Variants in MARCHF1 observed in about 807,000 individuals in gnomAD.
MARCHF1 encodes the protein E3 ubiquitin-protein ligase MARCHF1.
Under a neutral mutation model 54.2 loss-of-function variants are expected in MARCHF1, and 40 were observed. That is an observed-to-expected ratio of 0.74 (90% CI 0.57 to 0.96). MARCHF1 has a LOEUF of 0.96. Ranked by LOEUF, MARCHF1 falls within the 40% of genes least tolerant of loss-of-function variation. The pLI, the probability that MARCHF1 is intolerant of heterozygous loss-of-function variation, is 0.00. For missense variants in MARCHF1, 586 were observed against 656.5 expected (o/e 0.89, Z 1.17); for synonymous variants, 236 against 236.3 (o/e 1.00, Z 0.01).
At chr4:164,221,909 A>T (rs1361102378) in intron 1 of MARCHF1, among the ~76,000 whole-genome samples, 1 of 152,002 alleles carries the variant, frequency 6.6e-6, no homozygotes, top group Non-Finnish European at 1.5e-5. Context: ...TGGATCAGTT[A>T]TAGTCATTTC....
intron 1 of MARCHF1, among the ~76,000 whole-genome samples, chr4:164,240,722 GGACAAACT>G (rs1732716269): frequency 6.6e-6 from 1 of 151,966 alleles, no homozygotes; most frequent in Non-Finnish European, 1.5e-5. Flanking sequence ...CCTGGGCATG[GGACAAACT>G]GACTATGGGA....
At chr4:163,758,829 T>C (rs1746750804) in intron 4 of MARCHF1, among the ~76,000 whole-genome samples, 2 of 152,230 alleles carry the variant, frequency 1.3e-5, no homozygotes, top group African/African-American at 4.8e-5. Context: ...CTTGTTTTTT[T>C]CTTTGATATT....
intron 3 of MARCHF1, among the ~76,000 whole-genome samples, chr4:163,983,379 C>G (rs1017500347): frequency 7.2e-5 from 11 of 152,150 alleles, no homozygotes; most frequent in African/African-American, 2.4e-4. Flanking sequence ...ATCCTCCCTA[C>G]TAAATTACTT....
At chr4:163,852,585 G>C (rs1749670429) in intron 4 of MARCHF1, among the ~76,000 whole-genome samples, 1 of 152,056 alleles carries the variant, frequency 6.6e-6, no homozygotes, top group African/African-American at 2.4e-5. Flanking sequence ...AATTTCAAAA[G>C]GAAACCATTC....
chr4:163,692,754 C>T (rs1302578389), intron 5 of MARCHF1, among the ~76,000 whole-genome samples: 3 of 151,214 alleles, frequency 2.0e-5, no homozygotes, highest in Admixed American at 6.6e-5. Context: ...CACCATGTCA[C>T]CATTTAGCTT....
intron 1 of MARCHF1, among the ~76,000 whole-genome samples, chr4:164,171,545 T>A (rs1244462537): frequency 6.6e-6 from 1 of 152,110 alleles, no homozygotes; most frequent in Non-Finnish European, 1.5e-5. Context: ...TTAAAACTTT[T>A]AAAATCAAAG....
chr4:164,289,015 A>G (rs1734219135), intron 1 of MARCHF1, among the ~76,000 whole-genome samples: 1 of 152,002 alleles, frequency 6.6e-6, no homozygotes, highest in Non-Finnish European at 1.5e-5. Flanking sequence ...TGAATGCCTG[A>G]GCTTTGGAAC....
chr4:164,353,879 GA>G (rs769723480), intron 1 of MARCHF1, among the ~76,000 whole-genome samples: 1 of 136,286 alleles, frequency 7.3e-6, no homozygotes, highest in Non-Finnish European at 1.6e-5. Flanking sequence ...GACTAATAAA[GA>G]AAAAAAGAGA....
chr4:164,026,222 C>A (rs1210623282), intron 2 of MARCHF1, among the ~76,000 whole-genome samples: 1 of 152,072 alleles, frequency 6.6e-6, no homozygotes, highest in Non-Finnish European at 1.5e-5. Context: ...GGGCTACTCC[C>A]TAACTCACCC....
intron 4 of MARCHF1, among the ~76,000 whole-genome samples, chr4:163,732,738 A>C (rs1041013789): frequency 6.6e-6 from 1 of 152,194 alleles, no homozygotes; most frequent in South Asian, 2.1e-4. Flanking sequence ...AAGAAACAAA[A>C]GAATCTTTCA....
intron 4 of MARCHF1, among the ~76,000 whole-genome samples, chr4:163,843,069 A>G (rs1463481490): frequency 2.0e-5 from 3 of 151,920 alleles, no homozygotes; most frequent in African/African-American, 7.3e-5. Flanking sequence ...CTTTGTGTCC[A>G]CGTGTATTCA....
chr4:164,124,907 T>C (rs1040591683), intron 1 of MARCHF1, among the ~76,000 whole-genome samples: 2 of 152,054 alleles, frequency 1.3e-5, no homozygotes, highest in African/African-American at 4.8e-5. Flanking sequence ...ATAACATAAT[T>C]ATATATTTTA....
chr4:163,998,447 G>C (rs1350380455), intron 2 of MARCHF1, among the ~76,000 whole-genome samples: 1 of 151,422 alleles, frequency 6.6e-6, no homozygotes, highest in Non-Finnish European at 1.5e-5. Context: ...TTAAATAAAT[G>C]AGATAATGGC....
At chr4:163,646,275 A>G (rs188040830) in intron 5 of MARCHF1, among the ~76,000 whole-genome samples, 7 of 150,412 alleles carry the variant, frequency 4.7e-5, no homozygotes, top group Admixed American at 3.3e-4. Context: ...GCAACCAAGC[A>G]TACTATACTC....
At chr4:163,934,489 T>A (rs1228650967) in intron 3 of MARCHF1, among the ~76,000 whole-genome samples, 1 of 147,460 alleles carries the variant, frequency 6.8e-6, no homozygotes, top group African/African-American at 2.5e-5. Context: ...AACCCAAAAT[T>A]TGAATGCCGC....
At chr4:164,176,595 A>C (rs1730669064) in intron 1 of MARCHF1, among the ~76,000 whole-genome samples, 1 of 152,160 alleles carries the variant, frequency 6.6e-6, no homozygotes, top group African/African-American at 2.4e-5. Context: ...AGAACCAAAT[A>C]ATTATCAGAA....
chr4:163,696,956 A>G (rs1373041826), intron 5 of MARCHF1, among the ~76,000 whole-genome samples: 3 of 152,028 alleles, frequency 2.0e-5, no homozygotes, highest in Non-Finnish European at 4.4e-5. Flanking sequence ...GACAGAATAT[A>G]CCCATGCTTA....
chr4:163,558,578 A>G (rs1739368634), intron 8 of MARCHF1, among the ~76,000 whole-genome samples: 1 of 152,220 alleles, frequency 6.6e-6, no homozygotes, highest in Admixed American at 6.5e-5. Context: ...CAGCTGAGGG[A>G]CAGCCCGTAT....
At chr4:163,883,404 C>A (rs186858778) in intron 3 of MARCHF1, among the ~76,000 whole-genome samples, 26 of 147,744 alleles carry the variant, frequency 1.8e-4, no homozygotes, top group Admixed American at 1.3e-4. Flanking sequence ...AATTACTCAG[C>A]CATTTAGGGT....
Sources: gnomAD v4.1 joint callset for allele counts (sites outside exome capture counted in the v4.1 genomes callset) on GRCh38, gnomAD v4.1.1 for gene constraint, MANE v1.5 for transcripts, NCBI Gene and HGNC (gene_info 2026-07-23, HGNC 2026-07-21) for gene names.